RMDN2: variants seen among roughly 807,000 people sequenced by gnomAD.
RMDN2 encodes the protein regulator of microtubule dynamics 2, also known as regulator of microtubule dynamics protein 2.
A neutral mutation model predicts 52.8 loss-of-function variants in RMDN2; 61 were observed. The ratio of observed to expected loss-of-function variants is 1.16; its 90% confidence interval spans 0.94 to 1.43. The LOEUF (loss-of-function observed/expected upper bound fraction) is 1.43. Among genes scored for constraint, RMDN2 ranks in the 40% most tolerant of loss-of-function variants. RMDN2 has a pLI of 0.00. For synonymous variants in RMDN2, 180 were observed against 153.1 expected, an observed-to-expected ratio of 1.18 and a Z score of -1.30; for missense variants, 592 against 475.3, an observed-to-expected ratio of 1.25 and a Z score of -2.28.
At chr2:37,991,343 G>T in intron 7 of RMDN2, 46 bp downstream of exon 7, 1 of 924,344 alleles carries the variant, frequency 1.1e-6, no homozygotes, top group East Asian at 2.8e-5. Flanking sequence ...AATATACTAT[G>T]ATTATAGGAT....
chr2:37,945,524 C>G (rs1558451853), intron 2 of RMDN2, among the ~76,000 whole-genome samples: 1 of 152,046 alleles, frequency 6.6e-6, no homozygotes, highest in African/African-American at 2.4e-5. Flanking sequence ...ACCTTGGCAC[C>G]AAGAGTAATA....
rs768661148 is a variant in RMDN2, at chr2:38,059,179, G to T, written c.1714-7803G>T. 2.6e-5 allele frequency among the ~76,000 whole-genome samples: 4 copies of T among 152,136 alleles called. No homozygotes were observed. The South Asian group carries it at 6.2e-4, about 24-fold the overall frequency. The stretch of plus-strand genomic sequence containing the variant: ...GTGGCTTCCAAGCACCTGAAATAAG[G>T]CTGATGTGAATAAGGAATTGATTTT... On this transcript the variant is annotated intron_variant, in intron 10 of 10. Transcript: ENST00000234195.
At chr2:37,955,794 C>T (rs1376269459) in intron 2 of RMDN2, among the ~76,000 whole-genome samples, 1 of 152,044 alleles carries the variant, frequency 6.6e-6, no homozygotes, top group Non-Finnish European at 1.5e-5. Context: ...CTTTTTTCTT[C>T]CCAGTCTCGG....
intron 2 of RMDN2, among the ~76,000 whole-genome samples, chr2:37,940,295 C>T (rs1392854766): frequency 6.6e-6 from 1 of 152,174 alleles, no homozygotes; most frequent in Non-Finnish European, 1.5e-5. Flanking sequence ...CTCGACCTTT[C>T]TCTCTGGCTG....
chr2:37,929,567 A>G lies in RMDN2; in HGVS notation c.290A>G (p.Lys97Arg). The change falls in exon 2 of 11, where the codon AAA (lysine) becomes AGA (arginine). Residue 97 changes from lysine (K) to arginine (R), a missense_variant. Lys to Arg is a conservative substitution (Grantham distance 26). Transcript: ENST00000354545. ...CTCAAAGAGGAAATCAGATTTCTTAAAGAAGCTATTCCAAAGCTGGAGGAA... is the reference window on the plus strand; with the variant it reads ...CTCAAAGAGGAAATCAGATTTCTTAGAGAAGCTATTCCAAAGCTGGAGGAA... Reference protein sequence around the residue: ...EELKEEIRFLKEAIPKLEEYI... With the variant: ...EELKEEIRFLREAIPKLEEYI... 14 of 1,551,926 alleles carry G rather than the reference A, an allele frequency of 9.0e-6. No homozygotes were observed. The highest frequency in any genetic ancestry group is 1.2e-5 in the Non-Finnish European group (14 of 1,147,020).
At chr2:37,927,058 C>T (rs1231322276) in intron 1 of RMDN2, among the ~76,000 whole-genome samples, 1 of 152,170 alleles carries the variant, frequency 6.6e-6, no homozygotes, top group African/African-American at 2.4e-5. Flanking sequence ...TGTTGAAGCA[C>T]ATTTGTTTTA....
At position 38,059,429 on chromosome 2, in the gene RMDN2, A is replaced by T. The variant is rs78580949; in HGVS notation, c.1714-7553A>T. ...ATCCAGCAAGATGATTGGATATTCC[A>T]CTTTCCAAGGAACATAAAAATGTCC... On this transcript the variant is annotated intron_variant, in intron 10 of 10. Transcript: ENST00000234195. Among the ~76,000 whole-genome samples the T allele has an allele frequency of 4.3e-4, 65 of 152,352 alleles. No homozygotes were observed. The East Asian group carries it at 9.4e-3, about 22-fold the overall frequency.
intron 10 of RMDN2, among the ~76,000 whole-genome samples, chr2:38,004,570 C>T (rs1676796570): frequency 6.6e-6 from 1 of 152,080 alleles, no homozygotes; most frequent in South Asian, 2.1e-4. Context: ...TTTAAATCTC[C>T]AGAACCTATT....
chr2:37,995,349 TACTACTACTACTACTAC>T (rs1279055243), intron 7 of RMDN2, among the ~76,000 whole-genome samples: 68 of 151,522 alleles, frequency 4.5e-4, no homozygotes, highest in African/African-American at 1.5e-3. Flanking sequence ...CTACTACTAC[TACTACTACTACTACTAC>T]ACACACACAC....
intron 7 of RMDN2, among the ~76,000 whole-genome samples, chr2:37,995,940 G>A (rs1034797925): frequency 3.3e-5 from 5 of 152,094 alleles, no homozygotes; most frequent in African/African-American, 9.7e-5. Flanking sequence ...ATGGAGCAGC[G>A]GGAATTATTA....
intron 10 of RMDN2, chr2:38,030,834 C>T (rs1680145714): frequency 6.6e-6 from 1 of 152,238 alleles, no homozygotes; most frequent in South Asian, 2.1e-4. Flanking sequence ...GCCTGCACAG[C>T]GAGAAAATAA....
At chr2:38,027,987 C>T (rs1011399816) in intron 10 of RMDN2, 2 of 152,194 alleles carry the variant, frequency 1.3e-5, no homozygotes, top group Non-Finnish European at 2.9e-5. Context: ...ATAGTGACCT[C>T]CCAGCCAAGC....
Position 37,929,271 on chromosome 2 carries a change from C to A in RMDN2, c.-7C>A, listed in dbSNP as rs1196421935. 4 of 1,494,284 alleles carry A rather than the reference C, an allele frequency of 2.7e-6. No individual in the cohort carries two copies. The highest frequency in any genetic ancestry group is 3.6e-6 in the Non-Finnish European group (4 of 1,119,114). 92.6% of individuals were successfully genotyped at this position (1,494,284 alleles called of 1,614,324 possible). On this transcript the variant is annotated 5_prime_UTR_variant, in exon 2 of 11. Coordinates refer to ENST00000354545, the MANE Select transcript of RMDN2 (RefSeq NM_001170791.3). ...ATGTTTTTAATTTTAGAAACGAAAACCAAGAAATGCCTTATTCCACAAACA... is the reference window on the plus strand; with the variant it reads ...ATGTTTTTAATTTTAGAAACGAAAAACAAGAAATGCCTTATTCCACAAACA...
intron 5 of RMDN2, among the ~76,000 whole-genome samples, chr2:37,986,120 A>G (rs1016244018): frequency 6.6e-6 from 1 of 152,222 alleles, no homozygotes; most frequent in African/African-American, 2.4e-5. Flanking sequence ...TTGGAAAATG[A>G]TAATGCCCAT....
intron 10 of RMDN2, among the ~76,000 whole-genome samples, chr2:38,005,398 C>T (rs1288865422): frequency 1.3e-5 from 2 of 152,170 alleles, no homozygotes; most frequent in African/African-American, 4.8e-5. Context: ...GCCATTCTAA[C>T]TGGTGTGAGA....
chr2:37,993,005 T>C (rs1019250068), intron 7 of RMDN2, among the ~76,000 whole-genome samples: 14 of 152,116 alleles, frequency 9.2e-5, no homozygotes, highest in Non-Finnish European at 1.9e-4. Flanking sequence ...GCCTCCACCT[T>C]CTGGGTTCAA....
chr2:37,960,699 A>G (rs781052810), intron 2 of RMDN2, among the ~76,000 whole-genome samples: 1 of 152,216 alleles, frequency 6.6e-6, no homozygotes, highest in Non-Finnish European at 1.5e-5. Flanking sequence ...ATTTAAGGTT[A>G]ATATTGTTAT....
intron 10 of RMDN2, among the ~76,000 whole-genome samples, chr2:38,042,357 C>T (rs576793965): frequency 6.6e-5 from 10 of 151,128 alleles, no homozygotes; most frequent in Admixed American, 3.3e-4. Flanking sequence ...GTGAACCTGG[C>T]CAGAGATTTA....
intron 2 of RMDN2, chr2:37,951,614 T>A: frequency 6.2e-7 from 1 of 1,613,398 alleles, no homozygotes; most frequent in Admixed American, 1.7e-5. Context: ...GTAAACTAAG[T>A]ATAGTTTCCT....
Sources: gnomAD v4.1 joint callset for allele counts (sites outside exome capture counted in the v4.1 genomes callset) on GRCh38, gnomAD v4.1.1 for gene constraint, MANE v1.5 for transcripts, NCBI Gene and HGNC (gene_info 2026-07-23, HGNC 2026-07-21) for gene names.